The following SPIDR variants were observed in gnomAD, a reference collection of about 807,000 sequenced individuals.
The protein encoded by SPIDR is scaffold protein involved in DNA repair, also known as DNA repair-scaffolding protein.
SPIDR carries 93 observed loss-of-function variants against 104.6 expected under a neutral mutation model. That is an observed-to-expected ratio of 0.89 (90% CI 0.75 to 1.06). SPIDR has a LOEUF of 1.06. Ranked by LOEUF, SPIDR falls within the 50% of genes least tolerant of loss-of-function variation. The pLI, the probability that SPIDR is intolerant of heterozygous loss-of-function variation, is 0.00. For missense variants in SPIDR, 1,154 were observed against 1,111.2 expected, an observed-to-expected ratio of 1.04 and a Z score of -0.55; for synonymous variants, 431 against 416.9, an observed-to-expected ratio of 1.03 and a Z score of -0.41.
chr8:47,466,951 AT>A (rs2074958463), intron 8 of SPIDR, among the ~76,000 whole-genome samples: 1 of 148,802 alleles, frequency 6.7e-6, no homozygotes, highest in Non-Finnish European at 1.5e-5. Context: ...ATAGATAGAT[AT>A]AAAAAATAGA....
In SPIDR at chr8:47,495,912, A is replaced by G. The variant is rs561103241; in HGVS notation, c.1097+55370A>G. Among the ~76,000 whole-genome samples, 6 of 152,278 alleles carry G rather than the reference A, an allele frequency of 3.9e-5. No homozygotes were observed. In the South Asian group the frequency reaches 6.2e-4, roughly 16 times the overall value. ...TTATGCCACTATTGACTTTAGGTCT[A>G]TGTACCATCCCGTCAAGTGTTTTTT... On this transcript the variant is annotated intron_variant, in intron 8 of 19. Coordinates refer to ENST00000297423, the MANE Select transcript of SPIDR (RefSeq NM_001080394.4).
chr8:47,425,059 T>C (rs1397651743), intron 7 of SPIDR, among the ~76,000 whole-genome samples: 1 of 152,236 alleles, frequency 6.6e-6, no homozygotes, highest in Admixed American at 6.5e-5. Flanking sequence ...TGATTCTTAT[T>C]TAAATTGTAT....
At chr8:47,573,957 AAC>A (rs1228971582) in intron 8 of SPIDR, among the ~76,000 whole-genome samples, 2 of 152,198 alleles carry the variant, frequency 1.3e-5, no homozygotes, top group African/African-American at 2.4e-5. Flanking sequence ...TCCTCTGTAA[AAC>A]AGACTTTTAA....
At chr8:47,697,745 T>A (rs2079559711) in intron 11 of SPIDR, 1 of 152,684 alleles carries the variant, frequency 6.5e-6, no homozygotes, top group African/African-American at 2.4e-5. Context: ...CCCAGCCTTC[T>A]TCTTGCCGCT....
At chr8:47,409,440 T>C (rs11781727) in intron 7 of SPIDR, among the ~76,000 whole-genome samples, 74,954 of 151,884 alleles carry the variant, frequency 0.49, 22,572 homozygotes, top group Non-Finnish European at 0.67. Context: ...TGGTAGTTTT[T>C]TCCTGTGTGT....
intron 17 of SPIDR, among the ~76,000 whole-genome samples, chr8:47,727,748 A>ATT (rs779563971): frequency 6.6e-6 from 1 of 152,218 alleles, no homozygotes; most frequent in Non-Finnish European, 1.5e-5. Context: ...GTCTGTCCCT[A>ATT]TGAAGTCAGT....
At chr8:47,619,624 T>G (rs1030216502) in intron 10 of SPIDR, among the ~76,000 whole-genome samples, 1 of 151,998 alleles carries the variant, frequency 6.6e-6, no homozygotes, top group Admixed American at 6.6e-5. Context: ...TACCCTTTTT[T>G]TTTTTTTTAA....
At chr8:47,459,722 C>G (rs988391839) in intron 8 of SPIDR, among the ~76,000 whole-genome samples, 26 of 151,742 alleles carry the variant, frequency 1.7e-4, no homozygotes, top group African/African-American at 3.4e-4. Flanking sequence ...TTCTCTAGTT[C>G]CTTAGATTGT....
At chr8:47,539,459 TATTA>T (rs2087663752) in intron 8 of SPIDR, among the ~76,000 whole-genome samples, 1 of 152,190 alleles carries the variant, frequency 6.6e-6, no homozygotes. Context: ...TTTTCAATGT[TATTA>T]ATTGTTATTT....
intron 1 of SPIDR, among the ~76,000 whole-genome samples, chr8:47,265,990 T>G (rs1586032112): frequency 6.6e-6 from 1 of 151,748 alleles, no homozygotes; most frequent in African/African-American, 2.4e-5. Flanking sequence ...CATCAGGTGA[T>G]CTGCCCGCAT....
intron 8 of SPIDR, among the ~76,000 whole-genome samples, chr8:47,542,146 C>G (rs1341384814): frequency 6.6e-6 from 1 of 151,456 alleles, no homozygotes; most frequent in Non-Finnish European, 1.5e-5. Flanking sequence ...TTTCTGTAAG[C>G]AACGTCGTCT....
chr8:47,286,664 C>G (rs2154232344), intron 3 of SPIDR, among the ~76,000 whole-genome samples: 1 of 152,202 alleles, frequency 6.6e-6, no homozygotes, highest in African/African-American at 2.4e-5. Context: ...TGTCACAGAC[C>G]AAGGCTGATC....
At chr8:47,578,211 G>A (rs1299757834) in intron 8 of SPIDR, among the ~76,000 whole-genome samples, 2 of 152,132 alleles carry the variant, frequency 1.3e-5, no homozygotes, top group African/African-American at 4.8e-5. Flanking sequence ...GGTGGCTCAC[G>A]CCTGTAATCC....
intron 5 of SPIDR, among the ~76,000 whole-genome samples, chr8:47,358,402 A>T (rs1448560482): frequency 2.6e-5 from 4 of 152,040 alleles, no homozygotes; most frequent in Admixed American, 2.0e-4. Flanking sequence ...ATTTTTTTTA[A>T]TTTTTAAAGA....
chr8:47,732,957 T>C (rs1408160806), intron 19 of SPIDR, among the ~76,000 whole-genome samples: 2 of 152,180 alleles, frequency 1.3e-5, no homozygotes, highest in Non-Finnish European at 2.9e-5. Flanking sequence ...TTCAGAAAAG[T>C]TAAAGGAACA....
intron 10 of SPIDR, among the ~76,000 whole-genome samples, chr8:47,614,464 C>T (rs1003488876): frequency 1.3e-5 from 2 of 152,132 alleles, no homozygotes; most frequent in African/African-American, 2.4e-5. Flanking sequence ...CCTCATGATC[C>T]GCCCACCTCG....
intron 8 of SPIDR, among the ~76,000 whole-genome samples, chr8:47,472,153 G>T (rs1288744307): frequency 6.6e-6 from 1 of 152,158 alleles, no homozygotes. Flanking sequence ...AGTAAATGCT[G>T]CACAGGAAGG....
At position 47,279,981 on chromosome 8, in the gene SPIDR, G is replaced by T. The variant is rs1345387341; in HGVS notation, c.153G>T (p.Arg51Ser). 6 of 1,614,054 alleles carry T rather than the reference G, an allele frequency of 3.7e-6. No homozygotes were observed. The highest frequency in any genetic ancestry group is 1.6e-4 in the Middle Eastern group (1 of 6,082). The stretch of plus-strand genomic sequence containing the variant: ...CCTCTCTCTCTGAAGCATGGCTCAG[G>T]TGTGGAGAAGGGTTTCAGAACACTT... ...AAASLSEAWL[R>S]CGEGFQNTSG... The change falls in exon 2 of 20, where the codon AGG becomes AGT. Residue 51 changes from arginine (R) to serine (S), a missense_variant. By Grantham distance (110) the Arg-to-Ser change is moderately radical. Coordinates refer to ENST00000297423, the MANE Select transcript of SPIDR (RefSeq NM_001080394.4).
At chr8:47,534,567 G>T (rs2086590944) in intron 8 of SPIDR, among the ~76,000 whole-genome samples, 1 of 152,176 alleles carries the variant, frequency 6.6e-6, no homozygotes, top group Non-Finnish European at 1.5e-5. Flanking sequence ...TTAAAAGTGG[G>T]AGCTAAATGA....
Sources: allele counts gnomAD v4.1 joint callset (sites outside exome capture counted in the v4.1 genomes callset), GRCh38; gene constraint gnomAD v4.1.1; transcripts MANE v1.5; gene names NCBI Gene and HGNC (gene_info 2026-07-23, HGNC 2026-07-21).